BMPR1A: variants seen among roughly 807,000 people sequenced by gnomAD.
BMPR1A encodes the protein bone morphogenetic protein receptor type-1A.
In BMPR1A, 7 loss-of-function variants were observed where a neutral mutation model predicts 66.0. That is an observed-to-expected ratio of 0.11 (90% CI 0.06 to 0.20). The LOEUF is 0.20. BMPR1A is among the 10% of genes least tolerant of loss of function. The probability of loss-of-function intolerance (pLI) is 1.00; values close to 1 mark genes in which losing one functional copy is unlikely to be tolerated. For synonymous variants in BMPR1A, 200 were observed against 229.7 expected (o/e 0.87, Z 1.17); for missense variants, 408 against 669.1 (o/e 0.61, Z 4.31).
intron 2 of BMPR1A, among the ~76,000 whole-genome samples, chr10:86,846,727 A>G (rs1842490059): frequency 6.6e-6 from 1 of 152,030 alleles, no homozygotes; most frequent in Non-Finnish European, 1.5e-5. Context: ...CACAAAAAAA[A>G]TTAACCACAC....
At chr10:86,855,278 C>CA (rs1168520087) in intron 2 of BMPR1A, 2 of 1,088,150 alleles carry the variant, frequency 1.8e-6, no homozygotes, top group African/African-American at 1.6e-5. Context: ...ACAAAAACCT[C>CA]AGTTTCTTCT....
At chr10:86,829,584 G>T (rs934242207) in intron 1 of BMPR1A, among the ~76,000 whole-genome samples, 1 of 152,192 alleles carries the variant, frequency 6.6e-6, no homozygotes, top group African/African-American at 2.4e-5. Flanking sequence ...CCCTTGTGCT[G>T]CACACACCTG....
intron 1 of BMPR1A, among the ~76,000 whole-genome samples, chr10:86,808,246 A>C (rs190081122): frequency 6.6e-6 from 1 of 152,092 alleles, no homozygotes; most frequent in African/African-American, 2.4e-5. Flanking sequence ...TTTAGAAGGG[A>C]TCTGTAGTGA....
intron 3 of BMPR1A, among the ~76,000 whole-genome samples, chr10:86,886,113 C>G (rs563940569): frequency 9.2e-5 from 14 of 152,130 alleles, no homozygotes; most frequent in Non-Finnish European, 2.1e-4. Flanking sequence ...CCCCAGGGCT[C>G]GTAGTTTATT....
At chr10:86,915,134 C>A (rs1843546193) in intron 8 of BMPR1A, among the ~76,000 whole-genome samples, 1 of 152,192 alleles carries the variant, frequency 6.6e-6, no homozygotes, top group Non-Finnish European at 1.5e-5. Context: ...AAAAGTGATT[C>A]TCCTGCCTCA....
At chr10:86,854,190 G>A (rs1038721077) in intron 2 of BMPR1A, among the ~76,000 whole-genome samples, 6 of 152,160 alleles carry the variant, frequency 3.9e-5, no homozygotes, top group Admixed American at 1.3e-4. Context: ...GCTCTGTTCC[G>A]CCCGGCTCAC....
chr10:86,774,491 AT>A (rs955774325), intron 1 of BMPR1A, among the ~76,000 whole-genome samples: 24 of 151,978 alleles, frequency 1.6e-4, no homozygotes, highest in East Asian at 3.8e-4. Flanking sequence ...AAAGGGCCAG[AT>A]TTTTTTTATA....
chr10:86,861,685 AC>A (rs1479360850), intron 2 of BMPR1A, among the ~76,000 whole-genome samples: 2 of 152,204 alleles, frequency 1.3e-5, no homozygotes, highest in Admixed American at 6.5e-5. Flanking sequence ...AACATTTTAG[AC>A]ATTTTAGATT....
intron 3 of BMPR1A, among the ~76,000 whole-genome samples, chr10:86,877,209 C>CTTTT (rs10645210): frequency 7.2e-6 from 1 of 138,408 alleles, no homozygotes; most frequent in Non-Finnish European, 1.6e-5. Context: ...ATATTTTCAT[C>CTTTT]TTTTTTTTTT....
intron 7 of BMPR1A, among the ~76,000 whole-genome samples, chr10:86,905,545 A>G (rs1017140578): frequency 6.6e-6 from 1 of 152,100 alleles, no homozygotes; most frequent in Non-Finnish European, 1.5e-5. Flanking sequence ...TTCCTATTGA[A>G]TTTTGAAGGG....
chr10:86,760,235 TCTTTCTTTCTTTC>T (rs1841025153), intron 1 of BMPR1A, among the ~76,000 whole-genome samples: 5 of 107,860 alleles, frequency 4.6e-5, no homozygotes, highest in African/African-American at 6.9e-5. Context: ...TTTCTTTCTT[TCTTTCTTTCTTTC>T]TTTTTTTTTT....
At position 86,917,134 on chromosome 10, in the gene BMPR1A, G is replaced by T. The variant is rs587780110; in HGVS notation, c.676G>T (p.Val226Phe). The T allele has an allele frequency of 2.0e-5, 32 of 1,613,714 alleles. No homozygotes were observed. Among genetic ancestry groups the T allele is most frequent in the South Asian group, 1.1e-5 (1 of 91,072 alleles). Reference sequence around the variant, plus strand: ...AAACCTTTTACTTTTTTCTATAAAGGTTCAGCGAACTATTGCCAAACAGAT... The same window carrying T: ...AAACCTTTTACTTTTTTCTATAAAGTTTCAGCGAACTATTGCCAAACAGAT... ...SGSGSGLPLL[V>F]QRTIAKQIQM... The change falls in exon 9 of 13, where the codon GTT (valine) becomes TTT (phenylalanine). Residue 226 changes from valine (V) to phenylalanine (F), a missense_variant and splice_region_variant. By Grantham distance (50) the Val-to-Phe change is conservative. This residue lies in a region of BMPR1A where 174 missense variants were observed against 265.1 expected (regional missense o/e 0.66). Transcript: ENST00000372037.
intron 1 of BMPR1A, among the ~76,000 whole-genome samples, chr10:86,792,444 A>AT (rs918095007): frequency 1.1e-4 from 16 of 152,200 alleles, no homozygotes; most frequent in African/African-American, 3.9e-4. Context: ...ATTCAAAATA[A>AT]TTTTTTAAAC....
chr10:86,830,002 G>GT (rs1842246001), intron 1 of BMPR1A, among the ~76,000 whole-genome samples: 2 of 152,272 alleles, frequency 1.3e-5, no homozygotes, highest in African/African-American at 4.8e-5. Flanking sequence ...TAAGTGTAGG[G>GT]ACCACTACAA....
rs548635450 is a variant in BMPR1A, at chr10:86,904,086, T to C, written c.530+3960T>C. 2.0e-5 allele frequency among the ~76,000 whole-genome samples: 3 copies of C among 152,294 alleles called. No homozygotes were observed. The South Asian group carries it at 6.2e-4, about 32-fold the overall frequency. On this transcript the variant is annotated intron_variant, in intron 7 of 12. Transcript: ENST00000372037. ...GCCTGGCTAATTTTTGTATTTTTAG[T>C]AGAGATGGGGTTTCACCATGTTGGC...
rs997430402 is a variant in BMPR1A, at chr10:86,910,170, T to TA, written c.531-2061dup. The stretch of plus-strand genomic sequence containing the variant: ...CAACATGGTGAAACCCCATCTCTAC[T>TA]AAAAAAAAATACAAAAATTAGCCAG... On this transcript the variant is annotated intron_variant, in intron 7 of 12. Transcript: ENST00000372037. 2.9e-4 allele frequency among the ~76,000 whole-genome samples: 44 copies of TA among 149,992 alleles called. 1 individual carries two copies. The South Asian group carries it at 4.6e-3, about 16-fold the overall frequency.
At chr10:86,875,741 C>A in intron 2 of BMPR1A, 126 bp from the exon 3 acceptor site, 9 of 465,152 alleles carry the variant, frequency 1.9e-5, no homozygotes, top group Middle Eastern at 5.8e-4. Context: ...GCAAGGATAC[C>A]TTTAATCTTT....
At chr10:86,799,507 T>TTCCTTCCTTCC (rs1218527339) in intron 1 of BMPR1A, among the ~76,000 whole-genome samples, 671 of 43,884 alleles carry the variant, frequency 0.015, 8 homozygotes, top group African/African-American at 0.056. Flanking sequence ...CCTTCCTTCC[T>TTCCTTCCTTCC]TTCTTTTCTT....
intron 1 of BMPR1A, among the ~76,000 whole-genome samples, chr10:86,817,809 A>G (rs2132982166): frequency 6.6e-6 from 1 of 152,350 alleles, no homozygotes; most frequent in South Asian, 2.1e-4. Flanking sequence ...CCATTCTTCA[A>G]GTTTTCAAAA....
Sources: allele counts gnomAD v4.1 joint callset (sites outside exome capture counted in the v4.1 genomes callset), GRCh38; gene constraint gnomAD v4.1.1; regional missense constraint gnomAD v4.1.1; transcripts MANE v1.5; gene names NCBI Gene and HGNC (gene_info 2026-07-23, HGNC 2026-07-21).